Variants in HYKK observed in about 807,000 individuals in gnomAD.
HYKK encodes the protein 5-hydroxy-L-lysine kinase.
Under a neutral mutation model 29.7 loss-of-function variants are expected in HYKK, and 19 were observed. The observed-to-expected ratio is 0.64, with a 90% CI of 0.45 to 0.94. The LOEUF (loss-of-function observed/expected upper bound fraction) is 0.94, where lower values mean the gene tolerates loss of function less well. Among genes scored for constraint, HYKK ranks in the 40% least tolerant of loss-of-function variants. The probability of loss-of-function intolerance (pLI) is 0.00; values close to 1 mark genes in which losing one functional copy is unlikely to be tolerated. For synonymous variants in HYKK, 152 were observed against 158.1 expected (o/e 0.96, Z 0.29); for missense variants, 390 against 443.4 (o/e 0.88, Z 1.08).
chr15:78,521,198 G>T (rs1412592448), intron 3 of HYKK, among the ~76,000 whole-genome samples: 1 of 152,130 alleles, frequency 6.6e-6, no homozygotes, highest in African/African-American at 2.4e-5. Context: ...GAGTTCTGGG[G>T]ATTGTAGGGG....
intron 3 of HYKK, among the ~76,000 whole-genome samples, chr15:78,520,384 G>A (rs966290759): frequency 2.6e-5 from 4 of 152,020 alleles, no homozygotes; most frequent in African/African-American, 4.8e-5. Context: ...AGGACCCTGC[G>A]GCCTTCCACA....
At chr15:78,511,890 A>G (rs1032488629) in intron 1 of HYKK, among the ~76,000 whole-genome samples, 1 of 152,158 alleles carries the variant, frequency 6.6e-6, no homozygotes, top group Middle Eastern at 3.4e-3. Context: ...TAAAAATTCA[A>G]ATCTATCTTC....
At chr15:78,528,451 T>C (rs931173539) in intron 4 of HYKK, 15 of 985,420 alleles carry the variant, frequency 1.5e-5, no homozygotes, top group Non-Finnish European at 1.8e-5. Flanking sequence ...CAGGTGTTTC[T>C]CTAGGCTATA....
At position 78,515,022 on chromosome 15, in the gene HYKK, G is replaced by C. The variant is rs1325717472; in HGVS notation, c.392G>C (p.Gly131Ala). Residue 131 changes from glycine (G) to alanine (A), a missense_variant, in exon 3 of 5, where the codon GGA becomes GCA. Gly to Ala is a moderately conservative substitution (Grantham distance 60). Coordinates refer to ENST00000388988, the MANE Select transcript of HYKK (RefSeq NM_001013619.4). Reference sequence around the variant, plus strand: ...GTGAGGCTGCTGACTTACCTCCCAGGAAGACCCATCGCTGAGCTTCCCGTC... The same window carrying C: ...GTGAGGCTGCTGACTTACCTCCCAGCAAGACCCATCGCTGAGCTTCCCGTC... ...YLVRLLTYLP[G>A]RPIAELPVSP... 4 of 1,601,412 alleles carry C rather than the reference G, an allele frequency of 2.5e-6. No homozygotes were observed. In the South Asian group the frequency reaches 4.5e-5, roughly 18 times the overall value.
At chr15:78,508,469 G>C (rs1304501473) in intron 1 of HYKK, among the ~76,000 whole-genome samples, 6 of 152,116 alleles carry the variant, frequency 3.9e-5, no homozygotes, top group Non-Finnish European at 7.4e-5. Context: ...TTTCTTGTCT[G>C]GTATACTTTG....
chr15:78,520,220 CTTTATTTA>C (rs3053621), intron 3 of HYKK, among the ~76,000 whole-genome samples: 35 of 150,686 alleles, frequency 2.3e-4, no homozygotes, highest in Non-Finnish European at 2.2e-4. Flanking sequence ...GAGCTGAGTT[CTTTATTTA>C]TTTATTTATT....
intron 1 of HYKK, among the ~76,000 whole-genome samples, chr15:78,509,238 A>G (rs2052047656): frequency 6.6e-6 from 1 of 152,232 alleles, no homozygotes; most frequent in Admixed American, 6.5e-5. Context: ...GGCATGGAAT[A>G]CTAGAGCTAG....
At chr15:78,511,026 C>T (rs918661280) in intron 1 of HYKK, among the ~76,000 whole-genome samples, 5 of 140,670 alleles carry the variant, frequency 3.6e-5, no homozygotes, top group Admixed American at 1.5e-4. Flanking sequence ...AGACTAGTCT[C>T]GAACTCCTAG....
At chr15:78,523,426 T>A (rs1003714577) in intron 3 of HYKK, among the ~76,000 whole-genome samples, 1 of 152,184 alleles carries the variant, frequency 6.6e-6, no homozygotes, top group Admixed American at 6.5e-5. Context: ...ACCACCCCCA[T>A]GATCCAATCA....
intron 1 of HYKK, among the ~76,000 whole-genome samples, chr15:78,512,458 G>C (rs571490559): frequency 5.7e-5 from 8 of 139,420 alleles, no homozygotes; most frequent in Admixed American, 1.5e-4. Context: ...CTAGAGTGTA[G>C]TGGTGCGATC....
intron 3 of HYKK, among the ~76,000 whole-genome samples, chr15:78,525,375 C>G (rs991166164): frequency 6.6e-6 from 1 of 152,006 alleles, no homozygotes; most frequent in Non-Finnish European, 1.5e-5. Context: ...CCAGGATGGT[C>G]TCGATCTCCT....
At chr15:78,520,417 A>C (rs953867428) in intron 3 of HYKK, among the ~76,000 whole-genome samples, 27 of 151,980 alleles carry the variant, frequency 1.8e-4, no homozygotes, top group Admixed American at 1.8e-3. Context: ...CTGGGTACTT[A>C]AGATTAGGGA....
rs74880968 is a variant in HYKK, at chr15:78,517,828, G to A, written c.477+2721G>A. 2.5e-3 allele frequency among the ~76,000 whole-genome samples: 379 copies of A among 152,284 alleles called. 4 individuals carry two copies. Among genetic ancestry groups the A allele is most frequent in the African/African-American group, 8.8e-3 (365 of 41,554 alleles). ...GTCCTGTGAGCTGTGAGGTTTTCCA[G>A]TGTGGATGGTAGGAACAGGCACTCT... On this transcript the variant is annotated intron_variant, in intron 3 of 4. Coordinates refer to ENST00000388988, the MANE Select transcript of HYKK (RefSeq NM_001013619.4).
intron 3 of HYKK, among the ~76,000 whole-genome samples, chr15:78,524,797 A>G (rs965507893): frequency 1.3e-5 from 2 of 152,070 alleles, no homozygotes; most frequent in South Asian, 4.2e-4. Flanking sequence ...CAACAGAGAG[A>G]GACTCTGCCT....
chr15:78,514,513 T>G (rs1050907243), intron 2 of HYKK, among the ~76,000 whole-genome samples: 5 of 152,240 alleles, frequency 3.3e-5, no homozygotes, highest in African/African-American at 1.2e-4. Flanking sequence ...ACACAGTTAT[T>G]GTCCTGTGTT....
intron 1 of HYKK, among the ~76,000 whole-genome samples, chr15:78,511,411 A>G (rs1045872786): frequency 6.6e-6 from 1 of 152,006 alleles, no homozygotes; most frequent in African/African-American, 2.4e-5. Flanking sequence ...TCCCCCGCCC[A>G]TGTATCCAAA....
intron 3 of HYKK, chr15:78,518,675 T>C (rs756107483): frequency 2.3e-6 from 1 of 435,858 alleles, no homozygotes. Flanking sequence ...CCCAGCACTT[T>C]GGGAGGCCGA....
chr15:78,524,391 G>A lies in HYKK; in HGVS notation c.478-2989G>A, dbSNP rs912713814. 3.7e-4 allele frequency among the ~76,000 whole-genome samples: 56 copies of A among 152,308 alleles called. 2 individuals are homozygous for A. Among genetic ancestry groups the A allele is most frequent in the Admixed American group, 2.4e-3 (36 of 15,304 alleles). On this transcript the variant is annotated intron_variant, in intron 3 of 4. Transcript: ENST00000388988. ...TGGCTTGAGCTGGCACAACTGGGACGTGGGGAGCAATATCCCAAGGCTGTG... is the reference window on the plus strand; with the variant it reads ...TGGCTTGAGCTGGCACAACTGGGACATGGGGAGCAATATCCCAAGGCTGTG...
chr15:78,518,476 C>A, intron 3 of HYKK: 1 of 402,518 alleles, frequency 2.5e-6, no homozygotes, highest in Non-Finnish European at 5.1e-6. Context: ...CACCTGGGCC[C>A]CTTGTTTGTT....
Sources: allele counts gnomAD v4.1 joint callset (sites outside exome capture counted in the v4.1 genomes callset), GRCh38; gene constraint gnomAD v4.1.1; transcripts MANE v1.5; gene names NCBI Gene and HGNC (gene_info 2026-07-23, HGNC 2026-07-21).